RANBP2: variants seen among roughly 807,000 people sequenced by gnomAD.
The protein encoded by RANBP2 is RAN binding protein 2.
A neutral mutation model predicts 303.6 loss-of-function variants in RANBP2; 57 were observed. The ratio of observed to expected loss-of-function variants is 0.19; its 90% CI spans 0.15 to 0.23. The LOEUF is 0.23. RANBP2 is among the 10% of genes least tolerant of loss of function. RANBP2 has a pLI of 1.00. For missense variants in RANBP2, 3,138 were observed against 3,780.8 expected (o/e 0.83, Z 4.46); for synonymous variants, 1,167 against 1,301.5 (o/e 0.90, Z 2.23).
chr2:108,999,884 G>C, the RANBP2 span, among the ~76,000 whole-genome samples: 2 of 152,192 alleles, frequency 1.3e-5, no homozygotes, highest in East Asian at 3.9e-4. Flanking sequence ...AGGGCTGTAA[G>C]AGGTGGCTCC....
the RANBP2 span, among the ~76,000 whole-genome samples, chr2:108,865,840 C>A: frequency 5.3e-5 from 8 of 152,118 alleles, no homozygotes; most frequent in Admixed American, 2.0e-4. Flanking sequence ...CTATAGTGAT[C>A]AACACCCCAA....
At chr2:109,295,725 TACCTGGGGAGGTTC>T in the RANBP2 span, among the ~76,000 whole-genome samples, 7 of 152,090 alleles carry the variant, frequency 4.6e-5, no homozygotes, top group Admixed American at 4.6e-4. Context: ...GGGGGAGGTT[TACCTGGGGAGGTTC>T]ACCTGAATCT....
the RANBP2 span, among the ~76,000 whole-genome samples, chr2:108,956,780 C>A: frequency 8.0e-6 from 1 of 124,386 alleles, no homozygotes; most frequent in African/African-American, 4.2e-5. Flanking sequence ...AAGGCGAAAG[C>A]TCTCTTTTTT....
At chr2:109,210,475 T>C in the RANBP2 span, among the ~76,000 whole-genome samples, 1 of 152,234 alleles carries the variant, frequency 6.6e-6, no homozygotes, top group Non-Finnish European at 1.5e-5. Flanking sequence ...TGGAGACTGC[T>C]GGAGCTGCAT....
chr2:108,953,210 C>T, the RANBP2 span, among the ~76,000 whole-genome samples: 1,219 of 152,258 alleles, frequency 8.0e-3, 10 homozygotes, highest in South Asian at 0.034. Flanking sequence ...CTGGCTAAGC[C>T]GATGCTTCAG....
chr2:109,371,181 G>T, the RANBP2 span, among the ~76,000 whole-genome samples: 3 of 152,170 alleles, frequency 2.0e-5, no homozygotes, highest in Non-Finnish European at 4.4e-5. Context: ...CTGAGCTCAG[G>T]AGTTCAAAAC....
chr2:109,363,951 C>T, the RANBP2 span, among the ~76,000 whole-genome samples: 2 of 152,142 alleles, frequency 1.3e-5, no homozygotes, highest in African/African-American at 4.8e-5. Flanking sequence ...TTTCTGGCAT[C>T]TATCCTGCTT....
the RANBP2 span, among the ~76,000 whole-genome samples, chr2:109,078,524 G>T: frequency 1.7e-4 from 25 of 149,020 alleles, 1 homozygote; most frequent in African/African-American, 5.1e-4. Flanking sequence ...TGGGATGGGG[G>T]TAATTGTGGT....
chr2:109,765,694 G>A, the RANBP2 span, among the ~76,000 whole-genome samples: 1 of 150,598 alleles, frequency 6.6e-6, no homozygotes, highest in Non-Finnish European at 1.5e-5. Context: ...ATAAAGTGTG[G>A]ATCTTGTTTG....
intron 18 of RANBP2, among the ~76,000 whole-genome samples, chr2:108,761,481 C>T (rs1447078006): frequency 6.6e-6 from 1 of 152,106 alleles, no homozygotes; most frequent in African/African-American, 2.4e-5. Flanking sequence ...AACATGGGTG[C>T]CTTCTAGTCA....
At chr2:109,382,195 G>A in the RANBP2 span, among the ~76,000 whole-genome samples, 1 of 152,178 alleles carries the variant, frequency 6.6e-6, no homozygotes, top group South Asian at 2.1e-4. Flanking sequence ...TTTCTTTGTA[G>A]CCCAGGAATT....
the RANBP2 span, among the ~76,000 whole-genome samples, chr2:109,484,793 C>T: frequency 5.3e-5 from 8 of 152,176 alleles, no homozygotes; most frequent in Admixed American, 2.6e-4. Context: ...TATCAACAGT[C>T]GAGGCCCTGT....
chr2:109,270,236 G>A, the RANBP2 span, among the ~76,000 whole-genome samples: 732 of 152,328 alleles, frequency 4.8e-3, 11 homozygotes, highest in African/African-American at 0.017. Flanking sequence ...GGGTGAGGAT[G>A]CTGGTTAGGC....
the RANBP2 span, among the ~76,000 whole-genome samples, chr2:108,843,876 G>GTGTGTGTGTGTGTGTGTT: frequency 0.034 from 471 of 13,718 alleles, 6 homozygotes; most frequent in African/African-American, 0.043. Context: ...GTGTGTGTGT[G>GTGTGTGTGTGTGTGTGTT]TGTTTCTTTC....
chr2:108,813,260 A>AAAC, the RANBP2 span, among the ~76,000 whole-genome samples: 1 of 150,376 alleles, frequency 6.6e-6, no homozygotes, highest in East Asian at 1.9e-4. Context: ...AAAAAAAAAA[A>AAAC]AAAAAAAAAA....
the RANBP2 span, among the ~76,000 whole-genome samples, chr2:109,554,935 T>A: frequency 2.0e-5 from 3 of 152,202 alleles, no homozygotes; most frequent in Admixed American, 6.5e-5. Context: ...CCTATCTCCC[T>A]ATCTTATCAA....
chr2:109,473,733 C>T, the RANBP2 span, among the ~76,000 whole-genome samples: 1 of 149,742 alleles, frequency 6.7e-6, no homozygotes, highest in Admixed American at 6.7e-5. Context: ...CCACCCCACC[C>T]ACTCCTGCCT....
chr2:109,600,067 T>C, the RANBP2 span, among the ~76,000 whole-genome samples: 1 of 152,168 alleles, frequency 6.6e-6, no homozygotes, highest in Non-Finnish European at 1.5e-5. Flanking sequence ...TGCTGCAGTA[T>C]AGACCCAAGA....
chr2:109,540,502 A>G, the RANBP2 span, among the ~76,000 whole-genome samples: 1 of 152,108 alleles, frequency 6.6e-6, no homozygotes, highest in Admixed American at 6.6e-5. Context: ...ATCTCTAGCA[A>G]TGCTTTTGGC....
Sources: allele counts gnomAD v4.1 joint callset (sites outside exome capture counted in the v4.1 genomes callset), GRCh38; gene constraint gnomAD v4.1.1; transcripts MANE v1.5; gene names NCBI Gene and HGNC (gene_info 2026-07-23, HGNC 2026-07-21).